Variants in MAST4 observed in about 807,000 individuals in gnomAD.
MAST4 encodes microtubule associated serine/threonine kinase family member 4.
In MAST4, 89 loss-of-function variants were observed where a neutral mutation model predicts 162.7. The ratio of observed to expected loss-of-function variants is 0.55; its 90% CI spans 0.46 to 0.65. MAST4 has a LOEUF of 0.65. Ranked by LOEUF, MAST4 falls within the 30% of genes least tolerant of loss-of-function variation. The pLI is 0.00. For synonymous variants in MAST4, 1,479 were observed against 1,361.1 expected, an observed-to-expected ratio of 1.09 and a Z score of -1.91; for missense variants, 3,153 against 3,374.0, an observed-to-expected ratio of 0.93 and a Z score of 1.62.
At chr5:66,867,339 T>C (rs1760605135) in intron 3 of MAST4, among the ~76,000 whole-genome samples, 1 of 152,240 alleles carries the variant, frequency 6.6e-6, no homozygotes, top group Admixed American at 6.5e-5. Flanking sequence ...ATTTCACGCC[T>C]GATACATTGT....
chr5:66,630,901 G>A (rs1057078983), intron 1 of MAST4, among the ~76,000 whole-genome samples: 6 of 152,208 alleles, frequency 3.9e-5, no homozygotes, highest in African/African-American at 1.4e-4. Flanking sequence ...GGCCATAAAG[G>A]TGTTGCATTC....
intron 3 of MAST4, among the ~76,000 whole-genome samples, chr5:66,869,203 A>G (rs1760749789): frequency 6.6e-6 from 1 of 152,218 alleles, no homozygotes. Context: ...TTTAGGGGGA[A>G]AAAAGGTTTA....
rs567867848 is a variant in MAST4, at chr5:66,625,601, T to C, written c.363+28583T>C. Among the ~76,000 whole-genome samples the C allele has an allele frequency of 5.9e-5, 9 of 152,278 alleles. 1 individual carries two copies. The highest frequency in any genetic ancestry group is 2.2e-4 in the African/African-American group (9 of 41,578). Reference sequence around the variant, plus strand: ...TATATTTAAAGGTGCTCAACATCTTTCATCATCAGGAAAAAGAGTCAAAAC... The same window carrying C: ...TATATTTAAAGGTGCTCAACATCTTCCATCATCAGGAAAAAGAGTCAAAAC... On this transcript the variant is annotated intron_variant, in intron 1 of 28. Coordinates refer to ENST00000403625, the MANE Select transcript of MAST4 (RefSeq NM_001164664.2).
chr5:66,987,811 C>G (rs1428192167), intron 4 of MAST4, among the ~76,000 whole-genome samples: 1 of 152,082 alleles, frequency 6.6e-6, no homozygotes, highest in African/African-American at 2.4e-5. Context: ...CATTAAAAAA[C>G]TTAGGGAAAC....
chr5:66,882,671 A>C (rs531859585), intron 3 of MAST4, among the ~76,000 whole-genome samples: 3 of 152,198 alleles, frequency 2.0e-5, no homozygotes, highest in African/African-American at 7.2e-5. Context: ...ATCCTTTAGC[A>C]TACTTTTTAG....
At chr5:66,841,578 A>G (rs1291700344) in intron 3 of MAST4, among the ~76,000 whole-genome samples, 1 of 152,162 alleles carries the variant, frequency 6.6e-6, no homozygotes, top group African/African-American at 2.4e-5. Context: ...TTCTTGCTAT[A>G]TGGTGAGAAG....
In MAST4 at chr5:66,716,962, C is replaced by G. The variant is rs541407616; in HGVS notation, c.364-42747C>G. On this transcript the variant is annotated intron_variant, in intron 1 of 28. Transcript: ENST00000403625. ...CCTAGTGCATTATGCATGGGTCTCA[C>G]AGGTGAAGAGGACAAAGTTCTCCCT... 7.9e-5 allele frequency among the ~76,000 whole-genome samples: 12 copies of G among 152,336 alleles called. No homozygotes were observed. The East Asian group carries it at 2.1e-3, about 27-fold the overall frequency.
intron 1 of MAST4, among the ~76,000 whole-genome samples, chr5:66,743,997 T>C (rs1470108029): frequency 6.6e-6 from 1 of 152,146 alleles, no homozygotes; most frequent in South Asian, 2.1e-4. Context: ...ACATCTCTTA[T>C]TTGGCCACTT....
Position 67,152,813 on chromosome 5 carries a change from A to G in MAST4, c.3472A>G (p.Ile1158Val). Residue 1158 changes from isoleucine (I) to valine (V), a missense_variant, in exon 25 of 29, where the codon ATC (isoleucine) becomes GTC (valine). Coordinates refer to ENST00000403625, the MANE Select transcript of MAST4 (RefSeq NM_001164664.2). ...GAACTACGGCTTTACCATCCGAGCC[A>G]TCCGGGTGTATGTGGGAGACAGTGA... ...GKNYGFTIRA[I>V]RVYVGDSDIY... The G allele has an allele frequency of 6.2e-7, 1 of 1,614,052 alleles. No individual in the cohort carries two copies. The highest frequency in any genetic ancestry group is 8.5e-7 in the Non-Finnish European group (1 of 1,179,892).
chr5:66,902,919 TC>T (rs1012609477), intron 4 of MAST4, among the ~76,000 whole-genome samples: 3 of 152,088 alleles, frequency 2.0e-5, no homozygotes, highest in African/African-American at 7.2e-5. Flanking sequence ...CCTATCCCCC[TC>T]CTTCCAGCTA....
chr5:67,087,607 C>A (rs1763387312), intron 5 of MAST4, among the ~76,000 whole-genome samples: 1 of 152,146 alleles, frequency 6.6e-6, no homozygotes, highest in African/African-American at 2.4e-5. Flanking sequence ...TGCTAAACTG[C>A]CCTGAAATTG....
At chr5:66,705,196 C>T (rs1303839154) in intron 1 of MAST4, among the ~76,000 whole-genome samples, 1 of 152,188 alleles carries the variant, frequency 6.6e-6, no homozygotes, top group Non-Finnish European at 1.5e-5. Context: ...ATTCTGCTTG[C>T]ACAAATTCAC....
intron 5 of MAST4, among the ~76,000 whole-genome samples, chr5:67,065,156 A>G (rs1483940162): frequency 6.6e-6 from 1 of 152,138 alleles, no homozygotes; most frequent in Non-Finnish European, 1.5e-5. Context: ...GAAAATGAGA[A>G]ATTGCCTTGT....
chr5:66,639,558 T>A (rs1032339810), intron 1 of MAST4, among the ~76,000 whole-genome samples: 8 of 152,172 alleles, frequency 5.3e-5, no homozygotes, highest in African/African-American at 1.9e-4. Context: ...CATGGTGTTT[T>A]AGTATATGCC....
intron 4 of MAST4, among the ~76,000 whole-genome samples, chr5:66,938,937 C>A (rs1654223699): frequency 6.6e-6 from 1 of 152,064 alleles, no homozygotes; most frequent in South Asian, 2.1e-4. Context: ...GATTTAGAGC[C>A]TTTTCAGTTT....
chr5:66,886,634 A>C (rs1268911058), intron 3 of MAST4, among the ~76,000 whole-genome samples: 2 of 150,846 alleles, frequency 1.3e-5, no homozygotes, highest in Non-Finnish European at 2.9e-5. Flanking sequence ...AATTCTGTGT[A>C]AAAACACATA....
intron 1 of MAST4, among the ~76,000 whole-genome samples, chr5:66,715,433 C>A (rs574916257): frequency 1.4e-5 from 2 of 147,374 alleles, no homozygotes; most frequent in Admixed American, 7.0e-5. Context: ...ACAGCTATCA[C>A]AACACTTCTT....
At chr5:66,753,145 C>G (rs1301784779) in intron 1 of MAST4, among the ~76,000 whole-genome samples, 6 of 151,804 alleles carry the variant, frequency 4.0e-5, no homozygotes. Flanking sequence ...GGGACGCATT[C>G]AAAGCAGTGT....
chr5:66,969,034 T>C (rs1341388335), intron 4 of MAST4, among the ~76,000 whole-genome samples: 2 of 152,230 alleles, frequency 1.3e-5, no homozygotes, highest in Non-Finnish European at 2.9e-5. Context: ...CATAATGTGG[T>C]ACTAAATAAC....
Sources: allele counts gnomAD v4.1 joint callset (sites outside exome capture counted in the v4.1 genomes callset), GRCh38; gene constraint gnomAD v4.1.1; transcripts MANE v1.5; gene names NCBI Gene and HGNC (gene_info 2026-07-23, HGNC 2026-07-21).